Variants in PCM1 observed in about 807,000 individuals in gnomAD.
PCM1 encodes the protein pericentriolar material 1.
In PCM1, 157 loss-of-function variants were observed where a neutral mutation model predicts 241.9. That is an observed-to-expected ratio of 0.65 (90% CI 0.57 to 0.74). The LOEUF (loss-of-function observed/expected upper bound fraction) is 0.74. Ranked by LOEUF, PCM1 falls within the 30% of genes least tolerant of loss-of-function variation. PCM1 has a pLI of 0.00. For synonymous variants in PCM1, 1,085 were observed against 784.9 expected, an observed-to-expected ratio of 1.38 and a Z score of -6.39; for missense variants, 3,478 against 2,360.1, an observed-to-expected ratio of 1.47 and a Z score of -9.81.
chr8:17,937,981 C>G (rs1159242791), intron 4 of PCM1, among the ~76,000 whole-genome samples: 2 of 152,154 alleles, frequency 1.3e-5, no homozygotes, highest in Non-Finnish European at 1.5e-5. Context: ...GAACACTTAA[C>G]TGTATATCAG....
At chr8:17,967,804 C>G (rs1053798444) in intron 21 of PCM1, among the ~76,000 whole-genome samples, 26 of 152,114 alleles carry the variant, frequency 1.7e-4, no homozygotes, top group African/African-American at 5.1e-4. Flanking sequence ...AGTACCATGT[C>G]TTGTTAGGGG....
intron 4 of PCM1, among the ~76,000 whole-genome samples, chr8:17,937,652 T>G (rs2060798675): frequency 6.6e-6 from 1 of 152,164 alleles, no homozygotes; most frequent in African/African-American, 2.4e-5. Flanking sequence ...CAACTAAATT[T>G]TGCATTTTGG....
rs774432584 is a variant in PCM1, at chr8:17,935,585, G to C, written c.-22-4G>C. On this transcript the variant is annotated splice_region_variant and splice_polypyrimidine_tract_variant and intron_variant, in intron 2 of 38. Coordinates refer to ENST00000325083, the MANE Select transcript of PCM1 (RefSeq NM_006197.4). Reference sequence around the variant, plus strand: ...TAAAGCTCAGTTCTTAACTTGTTTCGCAGAGAGTTAATTGTTAAATCCAGT... The same window carrying C: ...TAAAGCTCAGTTCTTAACTTGTTTCCCAGAGAGTTAATTGTTAAATCCAGT... The C allele has an allele frequency of 2.0e-6, 2 of 994,922 alleles. No individual in the cohort carries two copies. The highest frequency in any genetic ancestry group is 3.2e-6 in the Non-Finnish European group (2 of 620,280). 61.6% of individuals were successfully genotyped at this position (994,922 alleles called of 1,614,324 possible). A position where few individuals can be genotyped will look rare whatever the true frequency, so the allele number is the denominator to read the frequency against.
intron 16 of PCM1, among the ~76,000 whole-genome samples, chr8:17,962,543 A>G (rs761347012): frequency 3.3e-5 from 5 of 152,136 alleles, no homozygotes; most frequent in Non-Finnish European, 5.9e-5. Context: ...TTTTATTTAT[A>G]TGTGGTTTGT....
At chr8:17,959,354 G>T (rs1225001930) in intron 13 of PCM1, among the ~76,000 whole-genome samples, 1 of 151,398 alleles carries the variant, frequency 6.6e-6, no homozygotes, top group Non-Finnish European at 1.5e-5. Context: ...ATAGTTATTT[G>T]TAGCTGCAGT....
chr8:18,011,617 T>C (rs777350573), intron 33 of PCM1, 50 bp from the exon 34 acceptor site: 3 of 1,514,220 alleles, frequency 2.0e-6, no homozygotes, highest in Non-Finnish European at 2.7e-6. Context: ...GTAGCTATTG[T>C]TAAGATTATG....
chr8:17,935,393 C>T (rs2060128995), intron 2 of PCM1, among the ~76,000 whole-genome samples, 196 bp from the exon 3 acceptor site: 1 of 152,182 alleles, frequency 6.6e-6, no homozygotes, highest in Non-Finnish European at 1.5e-5. Context: ...TCTGTCATTC[C>T]AACTACCTAG....
chr8:17,929,333 CCTCT>C (rs1432355348), intron 2 of PCM1, among the ~76,000 whole-genome samples: 4 of 152,138 alleles, frequency 2.6e-5, no homozygotes, highest in African/African-American at 7.2e-5. Flanking sequence ...TTTTCCTCTG[CCTCT>C]CTATTTAATA....
chr8:17,955,391 A>G, intron 9 of PCM1, 79 bp from the exon 10 acceptor site: 1 of 972,992 alleles, frequency 1.0e-6, no homozygotes, highest in Non-Finnish European at 1.5e-6. Context: ...TTTAGTTTTC[A>G]ATATCCAAGC....
At chr8:17,932,471 A>C (rs915157850) in intron 2 of PCM1, among the ~76,000 whole-genome samples, 2 of 152,096 alleles carry the variant, frequency 1.3e-5, no homozygotes, top group African/African-American at 4.8e-5. Context: ...AAAGTTAGCA[A>C]ATTTAATAGT....
intron 7 of PCM1, among the ~76,000 whole-genome samples, chr8:17,949,928 A>G (rs891431130): frequency 3.3e-5 from 5 of 152,172 alleles, no homozygotes; most frequent in Non-Finnish European, 7.4e-5. Context: ...TTTTTTTTAA[A>G]TTAAGAAGAT....
At chr8:18,022,440 A>C (rs540561985) in intron 36 of PCM1, among the ~76,000 whole-genome samples, 2 of 152,364 alleles carry the variant, frequency 1.3e-5, no homozygotes, top group Non-Finnish European at 2.9e-5. Flanking sequence ...CCATGTAGTC[A>C]TATAGATGAA....
chr8:17,940,853 C>T (rs1476363208), intron 6 of PCM1, among the ~76,000 whole-genome samples: 3 of 152,146 alleles, frequency 2.0e-5, no homozygotes, highest in Non-Finnish European at 4.4e-5. Flanking sequence ...ACAGGCGTGC[C>T]TATAACCATG....
At chr8:17,941,612 G>T (rs2062081243) in intron 6 of PCM1, among the ~76,000 whole-genome samples, 1 of 151,804 alleles carries the variant, frequency 6.6e-6, no homozygotes, top group Non-Finnish European at 1.5e-5. Context: ...AGGAGTTTGT[G>T]TTAAGAATTT....
Position 17,989,889 on chromosome 8 carries a change from A to G in PCM1, c.4441A>G (p.Thr1481Ala). The change falls in exon 27 of 39, where the codon ACC becomes GCC. Residue 1481 changes from threonine (T) to alanine (A), a missense_variant. By Grantham distance (58) the Thr-to-Ala change is moderately conservative. Transcript: ENST00000325083. ...ETFEKNFERE[T>A]HKISEQNDAD... Reference sequence around the variant, plus strand: ...TTTTGAGAAGAACTTTGAAAGAGAAACCCATAAAATAAGTGAGCAAAATGA... The same window carrying G: ...TTTTGAGAAGAACTTTGAAAGAGAAGCCCATAAAATAAGTGAGCAAAATGA... 1.3e-6 allele frequency: 2 copies of G among 1,545,228 alleles called. No homozygotes were observed. Among genetic ancestry groups the G allele is most frequent in the Non-Finnish European group, 1.8e-6 (2 of 1,142,460 alleles).
At chr8:18,017,123 G>C (rs1262905220) in intron 36 of PCM1, among the ~76,000 whole-genome samples, 3 of 151,806 alleles carry the variant, frequency 2.0e-5, no homozygotes, top group Admixed American at 2.0e-4. Flanking sequence ...TCTGTGGATA[G>C]CCCAAAAGAT....
At chr8:18,018,860 A>G (rs71502538) in intron 36 of PCM1, among the ~76,000 whole-genome samples, 6 of 58,562 alleles carry the variant, frequency 1.0e-4, no homozygotes, top group African/African-American at 3.2e-4. Flanking sequence ...GTGTATATAT[A>G]TATATATATA....
At chr8:17,930,793 T>C (rs1308069855) in intron 2 of PCM1, among the ~76,000 whole-genome samples, 2 of 151,366 alleles carry the variant, frequency 1.3e-5, no homozygotes, top group African/African-American at 4.9e-5. Context: ...GGCAGGAGAA[T>C]GACGTGAACC....
chr8:17,955,737 A>G (rs1013395344), intron 10 of PCM1, 84 bp downstream of exon 10: 21 of 1,028,172 alleles, frequency 2.0e-5, no homozygotes, highest in Non-Finnish European at 2.8e-5. Context: ...AAATTCTGCA[A>G]AACGAGATTT....
Sources: gnomAD v4.1 joint callset for allele counts (sites outside exome capture counted in the v4.1 genomes callset) on GRCh38, gnomAD v4.1.1 for gene constraint, MANE v1.5 for transcripts, NCBI Gene and HGNC (gene_info 2026-07-23, HGNC 2026-07-21) for gene names.